OTOP1: variants seen among roughly 807,000 people sequenced by gnomAD.
The protein encoded by OTOP1 is otopetrin 1.
In OTOP1, 59 loss-of-function variants were observed where a neutral mutation model predicts 52.9. The ratio of observed to expected loss-of-function variants is 1.12; its 90% CI spans 0.91 to 1.39. The LOEUF is 1.39. Among genes scored for constraint, OTOP1 ranks in the 40% most tolerant of loss-of-function variants. The pLI, the probability that OTOP1 is intolerant of heterozygous loss-of-function variation, is 0.00. For synonymous variants in OTOP1, 317 were observed against 337.7 expected (o/e 0.94, Z 0.67); for missense variants, 761 against 800.9 (o/e 0.95, Z 0.60).
At chr4:4,191,404 T>C (rs2108794420) in intron 5 of OTOP1, among the ~76,000 whole-genome samples, 2 of 151,058 alleles carry the variant, frequency 1.3e-5, no homozygotes, top group Middle Eastern at 6.8e-3. Flanking sequence ...CCCAAAGTCT[T>C]CCCAAAATAT....
At position 4,197,411 on chromosome 4, in the gene OTOP1, C is replaced by A. The variant is rs369941462; in HGVS notation, c.1423G>T (p.Ala475Ser). The change falls in exon 5 of 6, where the codon GCT becomes TCT. Residue 475 changes from alanine (A) to serine (S), a missense_variant. By Grantham distance (99) the Ala-to-Ser change is moderately conservative. Transcript: ENST00000296358. The part of the protein sequence containing the change: ...TVCNGNTMPL[A>S]SSCPKSGGVA... ...CCTCCACTCTTGGGGCAGGAAGAAG[C>A]AAGGGGCATGGTGTTGCCATTGCAG... 30 of 1,614,018 alleles carry A rather than the reference C, an allele frequency of 1.9e-5. No individual in the cohort carries two copies. In the African/African-American group the frequency reaches 2.7e-4, roughly 14 times the overall value.
rs762897240 is a variant in OTOP1 at position 4,212,891 on chromosome 4, G to T, written c.517C>A (p.His173Asn). Residue 173 changes from histidine to asparagine, a missense_variant, in exon 2 of 6, where the codon CAT becomes AAT. Physicochemically the swap from His to Asn is moderately conservative, Grantham distance 68 (BLOSUM62 1). Coordinates refer to ENST00000296358, the MANE Select transcript of OTOP1 (RefSeq NM_177998.3). ...SATEGVFPVT[H>N]SVHTLLQVYF... The stretch of plus-strand genomic sequence containing the variant: ...ACCTGCAACAAAGTATGCACTGAAT[G>T]GGTGACTGGGAAAACTCCTTCAGTG... 6 of 1,613,932 alleles carry T rather than the reference G, an allele frequency of 3.7e-6. No individual in the cohort carries two copies. The highest frequency in any genetic ancestry group is 1.3e-5 in the African/African-American group (1 of 74,906).
At chr4:4,216,222 C>T (rs1459198597) in intron 1 of OTOP1, among the ~76,000 whole-genome samples, 2 of 151,458 alleles carry the variant, frequency 1.3e-5, no homozygotes, top group Non-Finnish European at 2.9e-5. Flanking sequence ...ATGGTTTTGC[C>T]CAAAATATAA....
At chr4:4,219,073 G>C (rs1455506692) in intron 1 of OTOP1, among the ~76,000 whole-genome samples, 7 of 151,612 alleles carry the variant, frequency 4.6e-5, no homozygotes, top group African/African-American at 1.7e-4. Flanking sequence ...GAGGAAATAG[G>C]AACGTAAAAT....
intron 3 of OTOP1, among the ~76,000 whole-genome samples, 157 bp from the exon 4 acceptor site, chr4:4,202,735 T>C (rs951449696): frequency 1.3e-5 from 2 of 152,246 alleles, no homozygotes; most frequent in African/African-American, 4.8e-5. Context: ...CCTGCCTGGC[T>C]GGGTGGGGCA....
chr4:4,226,425 GGAGGCGGAGA>G (rs1285468319), intron 1 of OTOP1, 27 bp downstream of exon 1: 3 of 1,392,412 alleles, frequency 2.2e-6, no homozygotes, highest in Admixed American at 3.2e-5. Flanking sequence ...CAGCGGGCGA[GGAGGCGGAGA>G]CCCGCTCGCC....
At chr4:4,219,456 C>T (rs1717222953) in intron 1 of OTOP1, among the ~76,000 whole-genome samples, 1 of 152,040 alleles carries the variant, frequency 6.6e-6, no homozygotes, top group South Asian at 2.1e-4. Flanking sequence ...AATCCCAGCA[C>T]TTTGGGAGGC....
chr4:4,202,514 A>G lies in OTOP1; in HGVS notation c.664T>C (p.Ser222Pro). ...LLWANGVLNE[S>P]KHQLNEHKER... ...TTGTGCTCATTGAGTTGGTGCTTTG[A>G]CTCATTGAGGACGCCATTGGCCCAC... Residue 222 changes from serine to proline, a missense_variant, in exon 4 of 6, where the codon TCA (serine) becomes CCA (proline). Ser to Pro is a moderately conservative substitution (Grantham distance 74, BLOSUM62 -1). Coordinates refer to ENST00000296358, the MANE Select transcript of OTOP1 (RefSeq NM_177998.3). 7 of 1,614,038 alleles carry G rather than the reference A, an allele frequency of 4.3e-6. No individual in the cohort carries two copies. Among genetic ancestry groups the G allele is most frequent in the South Asian group, 1.1e-5 (1 of 91,082 alleles).
chr4:4,224,650 A>G (rs1017177991), intron 1 of OTOP1, among the ~76,000 whole-genome samples: 6 of 152,178 alleles, frequency 3.9e-5, no homozygotes, highest in African/African-American at 1.4e-4. Flanking sequence ...CCCTAAAACA[A>G]CCATTTTCAG....
At position 4,226,733 on chromosome 4, in the gene OTOP1, G is replaced by C; in HGVS notation, c.132C>G (p.Pro44=). 3 of 1,397,300 alleles carry C rather than the reference G, an allele frequency of 2.1e-6. No homozygotes were observed. The highest frequency in any genetic ancestry group is 3.2e-5 in the South Asian group (2 of 62,860). The allele number at this position is 1,397,300 out of a possible 1,614,324, so 86.6% of individuals were successfully genotyped here. ...SAPRSPESPA[P]RRGGVRASVP... ...CGCTGGCGCGCACACCGCCCCGCCG[G>C]GGGGCCGGGGATTCCGGGGACCTCG... Residue 44 remains proline, a synonymous_variant, in exon 1 of 6, where the codon CCC becomes CCG. Coordinates refer to ENST00000296358, the MANE Select transcript of OTOP1 (RefSeq NM_177998.3).
At chr4:4,189,829 C>G (rs1716463814) in intron 5 of OTOP1, among the ~76,000 whole-genome samples, 2 of 152,328 alleles carry the variant, frequency 1.3e-5, no homozygotes, top group South Asian at 4.2e-4. Flanking sequence ...ACAGCTGAAT[C>G]CTGCCAACAG....
In OTOP1 at chr4:4,190,810, G is replaced by C. The variant is rs376650113; in HGVS notation, c.1669-1837C>G. ...TTAGGGGCTCTCCTACCTGTTTGGC[G>C]GGTCCCTCCCAGTCTCCTTTGCCAT... On this transcript the variant is annotated intron_variant, in intron 5 of 5. Coordinates refer to ENST00000296358, the MANE Select transcript of OTOP1 (RefSeq NM_177998.3). 1.8e-4 allele frequency among the ~76,000 whole-genome samples: 27 copies of C among 152,168 alleles called. 4 individuals carry two copies. The highest frequency in any genetic ancestry group is 9.7e-4 in the East Asian group (5 of 5,170).
chr4:4,202,487 C>T lies in OTOP1; in HGVS notation c.691G>A (p.Glu231Lys). The T allele has an allele frequency of 1.9e-6, 3 of 1,614,076 alleles. No individual in the cohort carries two copies. Among genetic ancestry groups the T allele is most frequent in the Non-Finnish European group, 1.7e-6 (2 of 1,179,968 alleles). Reference protein sequence around the residue: ...ESKHQLNEHKERLITLGFGNI... With the variant: ...ESKHQLNEHKKRLITLGFGNI... ...CCAAAACCCAGAGTGATGAGCCGTT[C>T]CTTGTGCTCATTGAGTTGGTGCTTT... The change falls in exon 4 of 6, where the codon GAA becomes AAA. Residue 231 changes from glutamate to lysine, a missense_variant. Around this residue, in one of 3 missense-constraint regions of OTOP1, gnomAD observed 632 missense variants for 619.5 expected, o/e 1.02. Coordinates refer to ENST00000296358, the MANE Select transcript of OTOP1 (RefSeq NM_177998.3).
chr4:4,216,320 A>G (rs902508950), intron 1 of OTOP1, among the ~76,000 whole-genome samples: 1 of 152,228 alleles, frequency 6.6e-6, no homozygotes, highest in Non-Finnish European at 1.5e-5. Context: ...ACAAATGAAG[A>G]AATTAGTGAG....
At chr4:4,208,238 C>G (rs1716952215) in intron 2 of OTOP1, among the ~76,000 whole-genome samples, 1 of 152,134 alleles carries the variant, frequency 6.6e-6, no homozygotes, top group African/African-American at 2.4e-5. Context: ...AAGGAATTTC[C>G]TAGTGGACAA....
chr4:4,215,284 T>C (rs1219138547), intron 1 of OTOP1, among the ~76,000 whole-genome samples: 3 of 152,126 alleles, frequency 2.0e-5, no homozygotes, highest in Non-Finnish European at 4.4e-5. Flanking sequence ...TAGAAGCTTT[T>C]TCAAAAAGGA....
intron 1 of OTOP1, among the ~76,000 whole-genome samples, chr4:4,218,756 C>T (rs1010384724): frequency 1.8e-4 from 27 of 152,078 alleles, no homozygotes; most frequent in Non-Finnish European, 3.7e-4. Flanking sequence ...GGTGAAACCC[C>T]GTCTCTACCA....
At position 4,226,650 on chromosome 4, in the gene OTOP1, G is replaced by A. The variant is rs568093695; in HGVS notation, c.215C>T (p.Ala72Val). Residue 72 changes from alanine to valine, a missense_variant, in exon 1 of 6, where the codon GCG (alanine) becomes GTG (valine). This residue lies in a region of OTOP1 where 56 missense variants were observed against 105.6 expected (regional missense o/e 0.53). Transcript: ENST00000296358. Reference protein sequence around the residue: ...SSQYGLIVFVAGLLLLLAWAV... With the variant: ...SSQYGLIVFVVGLLLLLAWAV... ...CCAGGCCAGCAGCAGCAGCAGCCCC[G>A]CCACGAACACGATCAGCCCATACTG... is the stretch of plus-strand genomic sequence containing the variant. 7 of 1,589,824 alleles carry A rather than the reference G, an allele frequency of 4.4e-6. No individual in the cohort carries two copies. The highest frequency in any genetic ancestry group is 2.8e-5 in the African/African-American group (2 of 72,476).
At chr4:4,220,136 C>A in intron 1 of OTOP1, among the ~76,000 whole-genome samples, 1 of 120,682 alleles carries the variant, frequency 8.3e-6, no homozygotes, top group East Asian at 2.3e-4. Flanking sequence ...GAGTTTCACT[C>A]TTGTCGGCCA....
Sources: gnomAD v4.1 joint callset for allele counts (sites outside exome capture counted in the v4.1 genomes callset) on GRCh38, gnomAD v4.1.1 for gene constraint, gnomAD v4.1.1 regional missense constraint, MANE v1.5 for transcripts, NCBI Gene and HGNC (gene_info 2026-07-23, HGNC 2026-07-21) for gene names.